Variants in GRIK3 observed in about 807,000 individuals in gnomAD.
GRIK3 encodes glutamate receptor ionotropic, kainate 3.
Under a neutral mutation model 102.5 loss-of-function variants are expected in GRIK3, and 29 were observed. The ratio of observed to expected loss-of-function variants is 0.28; its 90% CI spans 0.21 to 0.39. GRIK3 has a LOEUF of 0.39. Ranked by LOEUF, GRIK3 falls within the 10% of genes least tolerant of loss-of-function variation. GRIK3 has a pLI of 1.00. For synonymous variants in GRIK3, 511 were observed against 504.9 expected (o/e 1.01, Z -0.16); for missense variants, 908 against 1,252.4 (o/e 0.73, Z 4.15).
chr1:36,994,313 G>A (rs772546340), intron 1 of GRIK3, among the ~76,000 whole-genome samples: 8 of 152,176 alleles, frequency 5.3e-5, no homozygotes, highest in Non-Finnish European at 8.8e-5. Context: ...AGCTTCACAC[G>A]CTACCTGTTA....
At chr1:36,941,354 C>T (rs1053280905) in intron 1 of GRIK3, among the ~76,000 whole-genome samples, 1 of 152,194 alleles carries the variant, frequency 6.6e-6, no homozygotes, top group Admixed American at 6.5e-5. Context: ...TGGCTGATTC[C>T]CTCTTTTGAA....
At chr1:36,931,988 T>C (rs1489950941) in intron 1 of GRIK3, among the ~76,000 whole-genome samples, 1 of 152,184 alleles carries the variant, frequency 6.6e-6, no homozygotes, top group African/African-American at 2.4e-5. Context: ...GTCCTCCTCA[T>C]CCTGTCCTGC....
At chr1:36,916,364 C>A (rs559479002) in intron 1 of GRIK3, among the ~76,000 whole-genome samples, 3 of 152,236 alleles carry the variant, frequency 2.0e-5, no homozygotes, top group East Asian at 1.9e-4. Flanking sequence ...AAAAGAAAAA[C>A]CCATTTTCTG....
chr1:36,945,831 G>GT (rs1285298545), intron 1 of GRIK3, among the ~76,000 whole-genome samples: 1 of 152,204 alleles, frequency 6.6e-6, no homozygotes, highest in African/African-American at 2.4e-5. Context: ...GACTCTGGAT[G>GT]TTCTGCTCTT....
chr1:36,915,097 C>A (rs1357954253), intron 1 of GRIK3, among the ~76,000 whole-genome samples: 1 of 152,212 alleles, frequency 6.6e-6, no homozygotes, highest in African/African-American at 2.4e-5. Context: ...TCCATTCAGC[C>A]CTTCCTTCAC....
chr1:36,985,234 G>T (rs1570845291), intron 1 of GRIK3, among the ~76,000 whole-genome samples: 1 of 152,290 alleles, frequency 6.6e-6, no homozygotes. Context: ...AAGAGACTGA[G>T]ATGGGGCTGG....
intron 1 of GRIK3, among the ~76,000 whole-genome samples, chr1:36,907,226 A>G (rs1052507981): frequency 6.6e-6 from 1 of 152,176 alleles, no homozygotes; most frequent in South Asian, 2.1e-4. Flanking sequence ...GAACAAAATC[A>G]TGATGCAAAA....
In GRIK3 at chr1:36,806,092, C is replaced by A. The variant is rs1372616884; in HGVS notation, c.2314+12G>T. On this transcript the variant is annotated intron_variant, in intron 14 of 15. Transcript: ENST00000373091. The surrounding 1 kb of genome is among the most constrained non-coding windows in gnomAD (Gnocchi z 4.0). ...ACACACCCACCCCTCCCACAGGCAGCCCCTCGCTCACCCATGGGCGTGCCG... is the reference window on the plus strand; with the variant it reads ...ACACACCCACCCCTCCCACAGGCAGACCCTCGCTCACCCATGGGCGTGCCG... 1.9e-6 allele frequency: 3 copies of A among 1,598,460 alleles called. No individual in the cohort carries two copies. The highest frequency in any genetic ancestry group is 2.2e-5 in the East Asian group (1 of 44,780).
At chr1:36,945,408 G>T (rs934392320) in intron 1 of GRIK3, among the ~76,000 whole-genome samples, 6 of 152,320 alleles carry the variant, frequency 3.9e-5, no homozygotes, top group Admixed American at 2.6e-4. Flanking sequence ...TCAGGGATGG[G>T]CTCTCAGGCC....
chr1:36,910,396 C>T (rs752892633), intron 1 of GRIK3, among the ~76,000 whole-genome samples: 2 of 152,250 alleles, frequency 1.3e-5, no homozygotes, highest in South Asian at 2.1e-4. Context: ...CCTGTCTGTT[C>T]TGATCAGGGT....
At chr1:36,835,797 C>A (rs1640370207) in intron 10 of GRIK3, among the ~76,000 whole-genome samples, 1 of 152,140 alleles carries the variant, frequency 6.6e-6, no homozygotes, top group African/African-American at 2.4e-5. Flanking sequence ...TTTGTCCGGA[C>A]CTGGACCCCT....
In GRIK3 at chr1:36,900,490, T is replaced by A. The variant is rs570759241; in HGVS notation, c.116-9394A>T. 3.5e-3 allele frequency among the ~76,000 whole-genome samples: 534 copies of A among 152,298 alleles called. 2 individuals carry two copies. Among genetic ancestry groups the A allele is most frequent in the Middle Eastern group, 6.8e-3 (2 of 294 alleles). On this transcript the variant is annotated intron_variant, in intron 1 of 15. Coordinates refer to ENST00000373091, the MANE Select transcript of GRIK3 (RefSeq NM_000831.4). ...ATGGGTCACAAAAGAAATTTAAAAA[T>A]ATTTTGAACTAAATAAAAATGAAAG... is the stretch of plus-strand genomic sequence containing the variant.
At chr1:36,961,790 C>T (rs1275441076) in intron 1 of GRIK3, among the ~76,000 whole-genome samples, 1 of 152,242 alleles carries the variant, frequency 6.6e-6, no homozygotes, top group African/African-American at 2.4e-5. Context: ...TTCTCCAGCC[C>T]ACCTTATCAA....
At chr1:36,863,476 C>G (rs1570767379) in intron 5 of GRIK3, among the ~76,000 whole-genome samples, 1 of 151,756 alleles carries the variant, frequency 6.6e-6, no homozygotes, top group East Asian at 2.0e-4. Flanking sequence ...TCCTTCCTAC[C>G]CTCTCAATTT....
At chr1:36,821,896 C>T (rs542093666) in intron 11 of GRIK3, among the ~76,000 whole-genome samples, 2 of 152,350 alleles carry the variant, frequency 1.3e-5, no homozygotes, top group Non-Finnish European at 1.5e-5. Flanking sequence ...ACCAGGCACA[C>T]ATACACAAAT....
In GRIK3 at chr1:36,880,927, C is replaced by T. The variant is rs544774; in HGVS notation, c.293-36G>A. The stretch of plus-strand genomic sequence containing the variant: ...GGGTAGGGCAGCACAGGGGTCAGCA[C>T]TGGGGCTGTGGGTATGGGGACAGTG... On this transcript the variant is annotated intron_variant, in intron 2 of 15. Transcript: ENST00000373091. The surrounding 1 kb of genome is among the most constrained non-coding windows in gnomAD (Gnocchi z 5.4). 0.016 allele frequency: 24,374 copies of T among 1,564,378 alleles called. 1,361 individuals carry two copies. Among genetic ancestry groups the T allele is most frequent in the African/African-American group, 0.13 (9,471 of 73,728 alleles).
intron 5 of GRIK3, among the ~76,000 whole-genome samples, chr1:36,860,356 T>C (rs1640707933): frequency 6.6e-6 from 1 of 152,228 alleles, no homozygotes; most frequent in Admixed American, 6.5e-5. Context: ...GGAAGCTTAA[T>C]GAGGCTGCTT....
At chr1:36,958,989 T>A (rs1641963801) in intron 1 of GRIK3, among the ~76,000 whole-genome samples, 1 of 91,078 alleles carries the variant, frequency 1.1e-5, no homozygotes, top group Non-Finnish European at 2.2e-5. Flanking sequence ...GACCTGTGAG[T>A]TTGTGAGTCT....
intron 1 of GRIK3, among the ~76,000 whole-genome samples, chr1:36,974,595 G>A (rs922110046): frequency 1.3e-5 from 2 of 151,828 alleles, no homozygotes; most frequent in Admixed American, 6.6e-5. Context: ...TCAGGAGATC[G>A]AGACCATCCT....
Sources: gnomAD v4.1 joint callset for allele counts (sites outside exome capture counted in the v4.1 genomes callset) on GRCh38, gnomAD v4.1.1 for gene constraint, Gnocchi (gnomAD v3.1) non-coding constraint, MANE v1.5 for transcripts, NCBI Gene and HGNC (gene_info 2026-07-23, HGNC 2026-07-21) for gene names.